ARL8B: variants seen among roughly 807,000 people sequenced by gnomAD.
ARL8B encodes the protein ARF like GTPase 8B, also known as ADP-ribosylation factor-like protein 8B.
In ARL8B, 9 loss-of-function variants were observed where a neutral mutation model predicts 30.6. The observed-to-expected ratio is 0.29, with a 90% CI of 0.18 to 0.51. The LOEUF (loss-of-function observed/expected upper bound fraction) is 0.51, where lower values mean the gene tolerates loss of function less well. Ranked by LOEUF, ARL8B falls within the 20% of genes least tolerant of loss-of-function variation. ARL8B has a pLI of 0.97. For missense variants in ARL8B, 130 were observed against 227.2 expected, an observed-to-expected ratio of 0.57 and a Z score of 2.75; for synonymous variants, 74 against 76.0, an observed-to-expected ratio of 0.97 and a Z score of 0.14.
intron 1 of ARL8B, among the ~76,000 whole-genome samples, chr3:5,147,763 G>T (rs1424424791): frequency 6.6e-6 from 1 of 151,784 alleles, no homozygotes; most frequent in Non-Finnish European, 1.5e-5. Flanking sequence ...TGTAATGTCA[G>T]GCCAGCTCTA....
chr3:5,154,791 A>G lies in ARL8B; in HGVS notation c.124-15712A>G, dbSNP rs569167345. ...AGTGGCACGATCTTGGCTCACTGCA[A>G]CCTCTGCCTCCGGGGTTCATGTGAT... On this transcript the variant is annotated intron_variant, in intron 1 of 6. Transcript: ENST00000256496. Among the ~76,000 whole-genome samples, 5 of 152,270 alleles carry G rather than the reference A, an allele frequency of 3.3e-5. No homozygotes were observed. The East Asian group carries it at 7.7e-4, about 23-fold the overall frequency.
At chr3:5,174,138 C>A in intron 5 of ARL8B, 54 bp downstream of exon 5, 1 of 1,489,496 alleles carries the variant, frequency 6.7e-7, no homozygotes, top group Non-Finnish European at 9.3e-7. Flanking sequence ...CCATATTTTG[C>A]CCACTTGTTA....
In ARL8B at chr3:5,122,298, T is replaced by C. The variant is rs749594598; in HGVS notation, c.-168T>C. The C allele has an allele frequency of 6.7e-7, 1 of 1,503,116 alleles. No homozygotes were observed. The highest frequency in any genetic ancestry group is 1.2e-5 in the South Asian group (1 of 81,056). 93.1% of individuals were successfully genotyped at this position (1,503,116 alleles called of 1,614,324 possible). A position where few individuals can be genotyped will look rare whatever the true frequency, so the allele number is the denominator to read the frequency against. The stretch of plus-strand genomic sequence containing the variant: ...GTGGGGGGTAGGGCGAGTCATATGA[T>C]CCGCTCGGCTTCCTGGGTCTGGCTG... On this transcript the variant is annotated 5_prime_UTR_variant, in exon 1 of 7. Transcript: ENST00000256496.
In ARL8B at chr3:5,130,787, C is replaced by G. The variant is rs147495343; in HGVS notation, c.123+8199C>G. ...CTGACGTCAAGTGATCCGCCCGCCT[C>G]GGCCCAGGCATGAGCCACCACGCCC... On this transcript the variant is annotated intron_variant, in intron 1 of 6. Transcript: ENST00000256496. Among the ~76,000 whole-genome samples, 786 of 151,700 alleles carry G rather than the reference C, an allele frequency of 5.2e-3. 10 individuals are homozygous for G. The highest frequency in any genetic ancestry group is 0.018 in the African/African-American group (736 of 41,380).
intron 1 of ARL8B, among the ~76,000 whole-genome samples, chr3:5,167,730 G>GT (rs1442973149): frequency 2.0e-5 from 3 of 152,190 alleles, no homozygotes; most frequent in Admixed American, 2.0e-4. Context: ...TAAGTGCTTA[G>GT]TATTACGTGT....
At position 5,151,727 on chromosome 3, in the gene ARL8B, C is replaced by A. The variant is rs547322311; in HGVS notation, c.124-18776C>A. On this transcript the variant is annotated intron_variant, in intron 1 of 6. Transcript: ENST00000256496. ...GTGAAGCTTTTCTCCCCCCACCCCC[C>A]CCCTTGGAGATAGGATCTTGCTGTC... is the stretch of plus-strand genomic sequence containing the variant. Among the ~76,000 whole-genome samples the A allele has an allele frequency of 9.5e-5, 12 of 126,518 alleles. No homozygotes were observed. The South Asian group carries it at 2.5e-3, about 26-fold the overall frequency. The allele number at this position is 126,518 out of a possible 152,430, so 83.0% of individuals were successfully genotyped here.
chr3:5,165,382 T>C (rs2054615180), intron 1 of ARL8B, among the ~76,000 whole-genome samples: 1 of 152,196 alleles, frequency 6.6e-6, no homozygotes, highest in Non-Finnish European at 1.5e-5. Context: ...AGTGACTTCA[T>C]ATAGGAATTA....
At chr3:5,171,787 T>A (rs566408354) in intron 2 of ARL8B, among the ~76,000 whole-genome samples, 1 of 152,270 alleles carries the variant, frequency 6.6e-6, no homozygotes, top group Non-Finnish European at 1.5e-5. Context: ...GTTTTCTGTC[T>A]TGGCATTCAA....
intron 1 of ARL8B, among the ~76,000 whole-genome samples, chr3:5,125,775 T>C (rs1167023195): frequency 6.6e-6 from 1 of 152,168 alleles, no homozygotes; most frequent in African/African-American, 2.4e-5. Flanking sequence ...TCAAGTAATA[T>C]GCCTGCCTTG....
In ARL8B at chr3:5,180,634, T is replaced by A; in HGVS notation, c.*1921T>A. On this transcript the variant is annotated 3_prime_UTR_variant, in exon 7 of 7. Coordinates refer to ENST00000256496, the MANE Select transcript of ARL8B (RefSeq NM_018184.3). ...CATTAACCTCTGCATGTGAAAACTTTTAACAGTTACTGAACTATGTAAATA... is the reference window on the plus strand; with the variant it reads ...CATTAACCTCTGCATGTGAAAACTTATAACAGTTACTGAACTATGTAAATA... 1 of 152,820 alleles carries A rather than the reference T, an allele frequency of 6.5e-6. No homozygotes were observed. The allele number at this position is 152,820 out of a possible 1,614,324, so 9.5% of individuals were successfully genotyped here.
intron 6 of ARL8B, 112 bp from the exon 7 acceptor site, chr3:5,178,552 A>G: frequency 1.1e-6 from 1 of 935,844 alleles, no homozygotes; most frequent in Non-Finnish European, 1.6e-6. Flanking sequence ...GCAGAAAAGC[A>G]GCAGAGGTCA....
chr3:5,148,855 C>G (rs1168581335), intron 1 of ARL8B, among the ~76,000 whole-genome samples: 1 of 152,156 alleles, frequency 6.6e-6, no homozygotes, highest in Non-Finnish European at 1.5e-5. Context: ...CAGCATTCTC[C>G]CCAAAGGACT....
intron 1 of ARL8B, among the ~76,000 whole-genome samples, chr3:5,127,810 TTGCAGTGAGCCAAGATTGCGCCAC>T (rs1393211328): frequency 1.4e-5 from 2 of 142,260 alleles, no homozygotes; most frequent in African/African-American, 5.3e-5. Flanking sequence ...GAGGCAGAGC[TTGCAGTGAGCCAAGATTGCGCCAC>T]TGCACTCCAG....
chr3:5,177,416 T>C (rs1202846645), intron 6 of ARL8B, among the ~76,000 whole-genome samples: 1 of 152,152 alleles, frequency 6.6e-6, no homozygotes, highest in Non-Finnish European at 1.5e-5. Flanking sequence ...TATGAACTTC[T>C]ATCAGTATCC....
chr3:5,127,872 C>CAAAAA (rs748657502), intron 1 of ARL8B, among the ~76,000 whole-genome samples: 267 of 10,594 alleles, frequency 0.025, 66 homozygotes, highest in Middle Eastern at 0.042. Context: ...GACTCCGTCT[C>CAAAAA]AAAAAAAAAA....
At chr3:5,122,734 G>A (rs545516368) in intron 1 of ARL8B, 146 bp downstream of exon 1, 488 of 957,986 alleles carry the variant, frequency 5.1e-4, no homozygotes, top group Non-Finnish European at 6.9e-4. Context: ...TCTCCCGAGG[G>A]CCAGCATTTG....
intron 1 of ARL8B, among the ~76,000 whole-genome samples, chr3:5,124,952 G>C (rs2054217878): frequency 6.6e-6 from 1 of 152,206 alleles, no homozygotes; most frequent in Non-Finnish European, 1.5e-5. Flanking sequence ...ATTTGTTGCA[G>C]TTGAGTTGTT....
At chr3:5,161,469 T>G (rs2054579855) in intron 1 of ARL8B, among the ~76,000 whole-genome samples, 1 of 152,206 alleles carries the variant, frequency 6.6e-6, no homozygotes, top group African/African-American at 2.4e-5. Flanking sequence ...ATATTTCATC[T>G]TAAGGGTTTG....
chr3:5,178,304 T>C (rs1305471537), intron 6 of ARL8B, among the ~76,000 whole-genome samples: 1 of 152,050 alleles, frequency 6.6e-6, no homozygotes, highest in East Asian at 1.9e-4. Context: ...GCATCTTTTC[T>C]GTGTATTATA....
Sources: allele counts gnomAD v4.1 joint callset (sites outside exome capture counted in the v4.1 genomes callset), GRCh38; gene constraint gnomAD v4.1.1; transcripts MANE v1.5; gene names NCBI Gene and HGNC (gene_info 2026-07-23, HGNC 2026-07-21).